The following PFKP variants were observed in gnomAD, a reference collection of about 807,000 sequenced individuals.
The protein encoded by PFKP is ATP-dependent 6-phosphofructokinase, platelet type.
A neutral mutation model predicts 94.3 loss-of-function variants in PFKP; 101 were observed. The ratio of observed to expected loss-of-function variants is 1.07; its 90% CI spans 0.91 to 1.26. PFKP has a LOEUF of 1.26. Among genes scored for constraint, PFKP ranks in the 50% most tolerant of loss-of-function variants. The pLI is 0.00. For synonymous variants in PFKP, 573 were observed against 432.6 expected (o/e 1.32, Z -4.03); for missense variants, 1,145 against 1,103.3 (o/e 1.04, Z -0.53).
intron 14 of PFKP, among the ~76,000 whole-genome samples, chr10:3,117,278 G>A (rs768187692): frequency 4.6e-5 from 7 of 152,134 alleles, no homozygotes; most frequent in African/African-American, 9.7e-5. Context: ...TTCCACAGCC[G>A]AGGAAAGGAC....
intron 2 of PFKP, among the ~76,000 whole-genome samples, chr10:3,098,250 AAT>A (rs780088067): frequency 3.3e-5 from 5 of 152,136 alleles, no homozygotes; most frequent in Non-Finnish European, 7.3e-5. Flanking sequence ...CTAAATCCTT[AAT>A]AGTTATTCCT....
intron 17 of PFKP, among the ~76,000 whole-genome samples, chr10:3,131,600 G>A (rs1838596840): frequency 6.6e-6 from 1 of 152,136 alleles, no homozygotes; most frequent in Non-Finnish European, 1.5e-5. Context: ...GGGACTACAG[G>A]CACCTGCCAC....
intron 2 of PFKP, among the ~76,000 whole-genome samples, chr10:3,089,487 G>A (rs1833883483): frequency 6.6e-6 from 1 of 152,000 alleles, no homozygotes; most frequent in South Asian, 2.1e-4. Flanking sequence ...TGGCTTGTGG[G>A]GGAGTTCTAT....
At position 3,110,789 on chromosome 10, in the gene PFKP, C is replaced by G. The variant is rs112903122; in HGVS notation, c.1089+1309C>G. ...ATGCAGGTTTATGCATATATTTATG[C>G]ATGTGTGTGCATGTTTGTGAGGTAG... is the stretch of plus-strand genomic sequence containing the variant. On this transcript the variant is annotated intron_variant, in intron 10 of 21. Coordinates refer to ENST00000381125, the MANE Select transcript of PFKP (RefSeq NM_002627.5). Among the ~76,000 whole-genome samples, 1,287 of 151,854 alleles carry G rather than the reference C, an allele frequency of 8.5e-3. 23 individuals carry two copies. Among genetic ancestry groups the G allele is most frequent in the African/African-American group, 0.029 (1,215 of 41,378 alleles).
chr10:3,100,791 T>C, intron 3 of PFKP: 1 of 586,728 alleles, frequency 1.7e-6, no homozygotes, highest in Non-Finnish European at 3.0e-6. Flanking sequence ...CTATGTCCCC[T>C]GGAAGTTTGG....
intron 20 of PFKP, among the ~76,000 whole-genome samples, chr10:3,135,077 T>G (rs952409538): frequency 5.3e-5 from 8 of 152,244 alleles, no homozygotes; most frequent in Admixed American, 3.3e-4. Flanking sequence ...AAGAAATCTT[T>G]AAACTGAAGT....
At chr10:3,087,345 G>A (rs1833682975) in intron 2 of PFKP, among the ~76,000 whole-genome samples, 1 of 152,144 alleles carries the variant, frequency 6.6e-6, no homozygotes, top group South Asian at 2.1e-4. Flanking sequence ...GCCCATCCAT[G>A]TGACTCCATG....
At chr10:3,136,371 C>A (rs148697244) in intron 21 of PFKP, 79 bp from the exon 22 acceptor site, 2 of 1,496,568 alleles carry the variant, frequency 1.3e-6, no homozygotes, top group African/African-American at 2.8e-5. Context: ...CTGGCAAGAC[C>A]GCTCGCTGTG....
At chr10:3,135,009 CATGTTCGTAGAACTGT>C (rs1273579674) in intron 20 of PFKP, among the ~76,000 whole-genome samples, 2 of 151,332 alleles carry the variant, frequency 1.3e-5, no homozygotes, top group Non-Finnish European at 2.9e-5. Context: ...TGTAGAACTG[CATGTTCGTAGAACTGT>C]GCATGTTCTT....
intron 15 of PFKP, 130 bp from the exon 16 acceptor site, chr10:3,119,762 G>GTGGGGGCC: frequency 1.5e-6 from 1 of 664,016 alleles, no homozygotes; most frequent in Non-Finnish European, 2.6e-6. Context: ...GTTGATCTCG[G>GTGGGGGCC]AGTGTTTTCG....
chr10:3,071,438 T>TG (rs1564254669), intron 1 of PFKP, among the ~76,000 whole-genome samples: 25 of 112,384 alleles, frequency 2.2e-4, no homozygotes, highest in Non-Finnish European at 4.0e-4. Context: ...TTTTTTTTTT[T>TG]TTTTTTTTTT....
At chr10:3,132,491 G>A in intron 18 of PFKP, 50 bp downstream of exon 18, 1 of 1,295,742 alleles carries the variant, frequency 7.7e-7, no homozygotes, top group Non-Finnish European at 1.1e-6. Context: ...CCACACCCTG[G>A]TTCTTAGATT....
intron 2 of PFKP, among the ~76,000 whole-genome samples, chr10:3,084,713 AGGAGAGTCCTCCAGCCC>A (rs1384907688): frequency 4.9e-4 from 33 of 67,544 alleles, no homozygotes; most frequent in African/African-American, 1.5e-3. Context: ...GCCCCTCCCC[AGGAGAGTCCTCCAGCCC>A]CTCCCCAGGA....
chr10:3,081,091 T>C (rs1397666031), intron 1 of PFKP, among the ~76,000 whole-genome samples: 3 of 152,228 alleles, frequency 2.0e-5, no homozygotes, highest in Non-Finnish European at 4.4e-5. Context: ...CTATGTAATA[T>C]ATATATACAC....
chr10:3,094,904 T>C (rs1159820548), intron 2 of PFKP, among the ~76,000 whole-genome samples: 2 of 152,182 alleles, frequency 1.3e-5, no homozygotes, highest in African/African-American at 4.8e-5. Flanking sequence ...TAGTATTTAC[T>C]CAGAAGCAGC....
chr10:3,116,818 C>T lies in PFKP; in HGVS notation c.1414C>T (p.Gln472Ter). 1 of 1,613,208 alleles carries T rather than the reference C, an allele frequency of 6.2e-7. No individual in the cohort carries two copies. Among genetic ancestry groups the T allele is most frequent in the Non-Finnish European group, 8.5e-7 (1 of 1,179,154 alleles). The change falls in exon 14 of 22, where the codon CAA becomes TAA. Residue 472 changes from glutamine to a stop codon, truncating the protein, a stop_gained. Coordinates refer to ENST00000381125, the MANE Select transcript of PFKP (RefSeq NM_002627.5). LOFTEE classifies it high-confidence loss of function. ...GACAGATGTCGGGGGCTGGACCGGC[C>T]AAGGAGGCTCCATTCTTGGGACAAA... ...GWTDVGGWTG[Q>*]GGSILGTKRV... is the part of the protein sequence containing the mutation.
At position 3,107,830 on chromosome 10, in the gene PFKP, T is replaced by C. The variant is rs1169087934; in HGVS notation, c.870+521T>C. 7 of 1,253,258 alleles carry C rather than the reference T, an allele frequency of 5.6e-6. No homozygotes were observed. The East Asian group carries it at 4.0e-4, about 71-fold the overall frequency. 77.6% of individuals were successfully genotyped at this position (1,253,258 alleles called of 1,614,324 possible). Reference sequence around the variant, plus strand: ...GCAGGCTTCGTGCCCTGGGACTTGCTCAGGCCAGTGCCTGCCTGTCTGGAG... The same window carrying C: ...GCAGGCTTCGTGCCCTGGGACTTGCCCAGGCCAGTGCCTGCCTGTCTGGAG... On this transcript the variant is annotated intron_variant, in intron 8 of 21. Transcript: ENST00000381125.
intron 1 of PFKP, among the ~76,000 whole-genome samples, chr10:3,077,261 C>CTTTTTTTTTTTTTTTTTTTTTTT (rs34485324): frequency 8.3e-5 from 7 of 84,260 alleles, no homozygotes; most frequent in East Asian, 3.7e-4. Flanking sequence ...TTTTTTTTTT[C>CTTTTTTTTTTTTTTTTTTTTTTT]TTTTTTTTTT....
chr10:3,095,488 GC>G lies in PFKP; in HGVS notation c.187-3785del, dbSNP rs1403032627. On this transcript the variant is annotated intron_variant, in intron 2 of 21. Coordinates refer to ENST00000381125, the MANE Select transcript of PFKP (RefSeq NM_002627.5). Reference sequence around the variant, plus strand: ...TCTGTCCGACGATGGATCCGATACAGCCAACGAGGAGCTCTAAGGTTCATCT... The same window carrying G: ...TCTGTCCGACGATGGATCCGATACAGCAACGAGGAGCTCTAAGGTTCATCT... 3.5e-4 allele frequency among the ~76,000 whole-genome samples: 53 copies of G among 152,348 alleles called. No individual in the cohort carries two copies. The South Asian group carries it at 3.5e-3, about 10-fold the overall frequency.
Sources: gnomAD v4.1 joint callset for allele counts (sites outside exome capture counted in the v4.1 genomes callset) on GRCh38, gnomAD v4.1.1 for gene constraint, MANE v1.5 for transcripts, NCBI Gene and HGNC (gene_info 2026-07-23, HGNC 2026-07-21) for gene names.